The following EFCAB6 variants were observed in gnomAD, a reference collection of about 807,000 sequenced individuals.
The protein encoded by EFCAB6 is EF-hand calcium-binding domain-containing protein 6.
A neutral mutation model predicts 169.8 loss-of-function variants in EFCAB6; 156 were observed. The ratio of observed to expected loss-of-function variants is 0.92; its 90% CI spans 0.81 to 1.05. The LOEUF is 1.05. Among genes scored for constraint, EFCAB6 ranks in the 50% least tolerant of loss-of-function variants. The pLI, the probability that EFCAB6 is intolerant of heterozygous loss-of-function variation, is 0.00. For synonymous variants in EFCAB6, 698 were observed against 676.4 expected, an observed-to-expected ratio of 1.03 and a Z score of -0.50; for missense variants, 1,800 against 1,829.1, an observed-to-expected ratio of 0.98 and a Z score of 0.29.
intron 21 of EFCAB6, among the ~76,000 whole-genome samples, chr22:43,613,628 G>C (rs1242739080): frequency 6.6e-6 from 1 of 152,126 alleles, no homozygotes; most frequent in African/African-American, 2.4e-5. Context: ...AGGGGGAAAG[G>C]AGGGGGAGGA....
At chr22:43,612,100 G>A (rs1414364290) in intron 21 of EFCAB6, among the ~76,000 whole-genome samples, 4 of 152,156 alleles carry the variant, frequency 2.6e-5, no homozygotes, top group Non-Finnish European at 5.9e-5. Flanking sequence ...GGGATAACTG[G>A]CTAACCATAT....
intron 11 of EFCAB6, among the ~76,000 whole-genome samples, chr22:43,685,688 T>C (rs2058167480): frequency 1.3e-5 from 2 of 152,202 alleles, no homozygotes; most frequent in African/African-American, 4.8e-5. Context: ...ACTTAGGTTA[T>C]CTGTCACGGT....
chr22:43,599,652 T>C (rs1282051925), intron 23 of EFCAB6, among the ~76,000 whole-genome samples: 2 of 152,064 alleles, frequency 1.3e-5, no homozygotes, highest in East Asian at 3.9e-4. Context: ...TTAAAGGATA[T>C]GTCTGGTTCT....
rs75552589 is a variant in EFCAB6 at position 43,711,845 on chromosome 22, C to T, written c.883-222G>A. The stretch of plus-strand genomic sequence containing the variant: ...CTCAAGTGACAAGGCAGACACGTTT[C>T]CCAGGGAAAAACAGCACATAGAATA... On this transcript the variant is annotated intron_variant, in intron 9 of 31. Transcript: ENST00000262726. 2.6e-5 allele frequency among the ~76,000 whole-genome samples: 4 copies of T among 152,178 alleles called. No individual in the cohort carries two copies. In the East Asian group the frequency reaches 7.7e-4, roughly 29 times the overall value.
chr22:43,573,303 T>C (rs1017334725), intron 26 of EFCAB6, among the ~76,000 whole-genome samples: 2 of 152,124 alleles, frequency 1.3e-5, no homozygotes, highest in African/African-American at 4.8e-5. Flanking sequence ...TTCATTTCTA[T>C]ATGGGCATAT....
intron 2 of EFCAB6, among the ~76,000 whole-genome samples, chr22:43,804,758 C>CA (rs57008458): frequency 0.036 from 4,537 of 126,980 alleles, 221 homozygotes; most frequent in African/African-American, 0.092. Context: ...AGCCCTGCCT[C>CA]AAAAAAAAAA....
At chr22:43,680,575 G>C (rs5763964) in intron 12 of EFCAB6, among the ~76,000 whole-genome samples, 2 of 151,530 alleles carry the variant, frequency 1.3e-5, no homozygotes, top group Non-Finnish European at 2.9e-5. Flanking sequence ...TATTGTCTCC[G>C]ATCTATAAAT....
intron 17 of EFCAB6, among the ~76,000 whole-genome samples, chr22:43,640,432 A>G (rs576639445): frequency 6.6e-6 from 1 of 152,312 alleles, no homozygotes; most frequent in South Asian, 2.1e-4. Flanking sequence ...ATCCTTAGCT[A>G]GGTTACTTGC....
At chr22:43,619,050 G>A (rs565756395) in intron 20 of EFCAB6, among the ~76,000 whole-genome samples, 230 of 152,236 alleles carry the variant, frequency 1.5e-3, no homozygotes, top group African/African-American at 5.4e-3. Flanking sequence ...TACAGAGTGT[G>A]GGGGAGATCA....
At chr22:43,715,745 T>C (rs547072783) in intron 9 of EFCAB6, among the ~76,000 whole-genome samples, 7 of 152,286 alleles carry the variant, frequency 4.6e-5, no homozygotes, top group African/African-American at 1.7e-4. Flanking sequence ...ATTGCTTACG[T>C]TTTTTGCAAT....
At chr22:43,563,493 A>C (rs982997170) in intron 26 of EFCAB6, among the ~76,000 whole-genome samples, 6 of 152,170 alleles carry the variant, frequency 3.9e-5, no homozygotes, top group African/African-American at 1.4e-4. Flanking sequence ...TGAGCTTGGG[A>C]GGCTGATGCC....
Position 43,795,361 on chromosome 22 carries a change from G to T in EFCAB6, c.-7-13036C>A, listed in dbSNP as rs756270253. Among the ~76,000 whole-genome samples the T allele has an allele frequency of 2.0e-5, 3 of 152,144 alleles. No individual in the cohort carries two copies. Among genetic ancestry groups the T allele is most frequent in the Admixed American group, 6.5e-5 (1 of 15,274 alleles). ...GCTACCTGGGGACGATGGAGACATT[G>T]ATCTTTTTATGTTAAATGTTCTTTA... On this transcript the variant is annotated intron_variant, in intron 2 of 31. Coordinates refer to ENST00000262726, the MANE Select transcript of EFCAB6 (RefSeq NM_022785.4). This position sits in a 1 kb window ranked among gnomAD's most constrained non-coding sequence, Gnocchi z 4.2.
chr22:43,627,746 C>T (rs2054628015), intron 19 of EFCAB6, among the ~76,000 whole-genome samples: 1 of 152,134 alleles, frequency 6.6e-6, no homozygotes, highest in Non-Finnish European at 1.5e-5. Flanking sequence ...TGCGCTTGTC[C>T]CCTCTTGTTA....
chr22:43,579,876 T>C (rs531209384), intron 25 of EFCAB6, among the ~76,000 whole-genome samples: 25 of 151,648 alleles, frequency 1.6e-4, no homozygotes, highest in Admixed American at 6.6e-4. Flanking sequence ...TCAGGCATCA[T>C]TCCCTACATG....
intron 29 of EFCAB6, chr22:43,535,320 A>G (rs942281555): frequency 1.3e-5 from 2 of 155,898 alleles, no homozygotes; most frequent in African/African-American, 4.8e-5. Context: ...CACCAGAGAC[A>G]GGTTCTCTAG....
intron 22 of EFCAB6, among the ~76,000 whole-genome samples, chr22:43,606,587 C>G (rs1450024573): frequency 1.3e-5 from 2 of 152,194 alleles, no homozygotes; most frequent in Non-Finnish European, 2.9e-5. Flanking sequence ...CACAGAGAAG[C>G]TAAGTAACTT....
At chr22:43,531,557 A>T (rs1177699626) in intron 30 of EFCAB6, among the ~76,000 whole-genome samples, 1 of 152,358 alleles carries the variant, frequency 6.6e-6, no homozygotes, top group African/African-American at 2.4e-5. Context: ...TTTAGCCCCA[A>T]TGTGTTTGAA....
intron 30 of EFCAB6, among the ~76,000 whole-genome samples, chr22:43,534,341 C>T (rs752062315): frequency 1.4e-4 from 22 of 152,210 alleles, no homozygotes; most frequent in African/African-American, 2.4e-4. Flanking sequence ...TTGTAAGTTT[C>T]CTGAGGCCTC....
At chr22:43,616,433 C>T (rs1230671825) in intron 20 of EFCAB6, among the ~76,000 whole-genome samples, 3 of 152,246 alleles carry the variant, frequency 2.0e-5, no homozygotes, top group East Asian at 3.9e-4. Flanking sequence ...GAGGCCAAGG[C>T]GGGTGGATGA....
Sources: allele counts gnomAD v4.1 joint callset (sites outside exome capture counted in the v4.1 genomes callset), GRCh38; gene constraint gnomAD v4.1.1; non-coding constraint Gnocchi (gnomAD v3.1); transcripts MANE v1.5; gene names NCBI Gene and HGNC (gene_info 2026-07-23, HGNC 2026-07-21).